The following UBXN10 variants were observed in gnomAD, a reference collection of about 807,000 sequenced individuals.
UBXN10 encodes the protein UBX domain protein 10.
A neutral mutation model predicts 6.9 loss-of-function variants in UBXN10; 6 were observed. The ratio of observed to expected loss-of-function variants is 0.87; its 90% confidence interval spans 0.48 to 1.72. UBXN10 has a LOEUF of 1.72. Among genes scored for constraint, UBXN10 ranks in the 40% most tolerant of loss-of-function variants. The pLI, the probability that UBXN10 is intolerant of heterozygous loss-of-function variation, is 0.01. For missense variants in UBXN10, 317 were observed against 348.4 expected (o/e 0.91, Z 0.72); for synonymous variants, 131 against 135.2 (o/e 0.97, Z 0.21).
chr1:20,185,340 T>G (rs142746331), upstream of UBXN10, among the ~76,000 whole-genome samples: 1 of 151,428 alleles, frequency 6.6e-6, no homozygotes, highest in Non-Finnish European at 1.5e-5. Flanking sequence ...GGAAGGAGAG[T>G]AGGACTCGGG....
In UBXN10 at chr1:20,188,289, C is replaced by T. The variant is rs184955107; in HGVS notation, c.-16+2136C>T. 1.9e-3 allele frequency among the ~76,000 whole-genome samples: 289 copies of T among 152,094 alleles called. 3 individuals carry two copies. The highest frequency in any genetic ancestry group is 6.6e-3 in the African/African-American group (275 of 41,442). On this transcript the variant is annotated intron_variant, in intron 1 of 1. Transcript: ENST00000375099. ...TAGCAGCCAGACTGGGTGTGAAAGA[C>T]GAGGGAGAAGTGGAAAATGGGAGTG...
At chr1:20,189,590 G>A (rs535248854) in intron 1 of UBXN10, among the ~76,000 whole-genome samples, 3 of 152,256 alleles carry the variant, frequency 2.0e-5, no homozygotes, top group African/African-American at 7.2e-5. Flanking sequence ...TGCCTATCGG[G>A]TAGCTGGGAA....
rs1048811422 is a variant in UBXN10 at position 20,193,468 on chromosome 1, T to C, written c.*2064T>C. 3 of 167,098 alleles carry C rather than the reference T, an allele frequency of 1.8e-5. No homozygotes were observed. Among genetic ancestry groups the C allele is most frequent in the Non-Finnish European group, 2.9e-5 (2 of 68,122 alleles). 10.4% of individuals were successfully genotyped at this position (167,098 alleles called of 1,614,324 possible). On this transcript the variant is annotated 3_prime_UTR_variant, in exon 2 of 2. Coordinates refer to ENST00000375099, the MANE Select transcript of UBXN10 (RefSeq NM_152376.5). ...CAAACCATCATAATAAACATTTTTT[T>C]TTTGGACAAAAGATGATACGATAAA...
chr1:20,190,957 C>A lies in UBXN10; in HGVS notation c.396C>A (p.Thr132=), dbSNP rs752305088. The change falls in exon 2 of 2, where the codon ACC becomes ACA. Residue 132 remains threonine, a synonymous_variant. Transcript: ENST00000375099. ...RKNLEEEAVE[T]VAKKASSLQL... is the part of the protein sequence containing the mutation. ...ACCTGGAGGAGGAGGCTGTGGAAAC[C>A]GTTGCCAAAAAGGCCAGCTCACTGC... is the stretch of plus-strand genomic sequence containing the variant. The A allele has an allele frequency of 5.0e-6, 8 of 1,614,002 alleles. No homozygotes were observed. The East Asian group carries it at 1.8e-4, about 36-fold the overall frequency.
At chr1:20,189,888 G>A (rs985408529) in intron 1 of UBXN10, among the ~76,000 whole-genome samples, 3 of 152,206 alleles carry the variant, frequency 2.0e-5, no homozygotes, top group African/African-American at 7.2e-5. Context: ...TCTGCCACCA[G>A]CTGGCTGTGT....
Position 20,190,810 on chromosome 1 carries a change from T to G in UBXN10, c.249T>G (p.Cys83Trp). Residue 83 changes from cysteine (C) to tryptophan (W), a missense_variant, in exon 2 of 2, where the codon TGT becomes TGG. Physicochemically the swap from Cys to Trp is radical, Grantham distance 215. Coordinates refer to ENST00000375099, the MANE Select transcript of UBXN10 (RefSeq NM_152376.5). The part of the protein sequence containing the change: ...ELPSSQKPGA[C>W]APKSPNQGAS... ...CAAGCAGCCAAAAACCAGGAGCCTG[T>G]GCACCCAAATCTCCAAACCAGGGAG... The G allele has an allele frequency of 6.2e-7, 1 of 1,613,978 alleles. No individual in the cohort carries two copies. The highest frequency in any genetic ancestry group is 8.5e-7 in the Non-Finnish European group (1 of 1,180,020).
upstream of UBXN10, among the ~76,000 whole-genome samples, chr1:20,185,641 C>T (rs1284710531): frequency 2.6e-5 from 4 of 152,118 alleles, no homozygotes; most frequent in Admixed American, 6.5e-5. Flanking sequence ...GGATGGGGGC[C>T]CTGCTCCCCG....
rs2018414382 is a variant in UBXN10 at position 20,187,190 on chromosome 1, G to A, written c.-16+1037G>A. ...TAAGGAATGGGCACCTGCCCTTCTG[G>A]CAACTTCTTGGAAACAGTTGGCAGT... On this transcript the variant is annotated intron_variant, in intron 1 of 1. Coordinates refer to ENST00000375099, the MANE Select transcript of UBXN10 (RefSeq NM_152376.5). The surrounding 1 kb of genome is among the most constrained non-coding windows in gnomAD (Gnocchi z 4.6). Among the ~76,000 whole-genome samples, 1 of 152,178 alleles carries A rather than the reference G, an allele frequency of 6.6e-6. No homozygotes were observed. The highest frequency in any genetic ancestry group is 2.4e-5 in the African/African-American group (1 of 41,440).
In UBXN10 at chr1:20,191,764, C is replaced by T. The variant is rs145055912; in HGVS notation, c.*360C>T. The T allele has an allele frequency of 4.2e-4, 97 of 229,772 alleles. No homozygotes were observed. Among genetic ancestry groups the T allele is most frequent in the Admixed American group, 1.9e-3 (37 of 19,470 alleles). 14.2% of individuals were successfully genotyped at this position (229,772 alleles called of 1,614,324 possible). On this transcript the variant is annotated 3_prime_UTR_variant, in exon 2 of 2. Coordinates refer to ENST00000375099, the MANE Select transcript of UBXN10 (RefSeq NM_152376.5). This position sits in a 1 kb window ranked among gnomAD's most constrained non-coding sequence, Gnocchi z 4.5. Reference sequence around the variant, plus strand: ...CCTTTACAGTGAACTGTGATTCTCTCGAAGCCAATGCTTTCCTGTCTGTAT... The same window carrying T: ...CCTTTACAGTGAACTGTGATTCTCTTGAAGCCAATGCTTTCCTGTCTGTAT...
rs1199396550 is a variant in UBXN10 at position 20,193,650 on chromosome 1, C to T, written c.*2246C>T. On this transcript the variant is annotated 3_prime_UTR_variant, in exon 2 of 2. Transcript: ENST00000375099. ...TGTTCCACTGTTAGAACCAAGTCCT[C>T]CTCCCCGGACACTTCTGATGCCCAC... The T allele has an allele frequency of 6.0e-6, 1 of 167,064 alleles. No individual in the cohort carries two copies. Among genetic ancestry groups the T allele is most frequent in the Non-Finnish European group, 1.5e-5 (1 of 68,130 alleles). The allele number at this position is 167,064 out of a possible 1,614,324, so 10.3% of individuals were successfully genotyped here. A position where few individuals can be genotyped will look rare whatever the true frequency, so the allele number is the denominator to read the frequency against.
rs981406486 is a variant in UBXN10 at position 20,191,548 on chromosome 1, C to T, written c.*144C>T. 7 of 1,299,546 alleles carry T rather than the reference C, an allele frequency of 5.4e-6. No individual in the cohort carries two copies. The highest frequency in any genetic ancestry group is 1.5e-5 in the South Asian group (1 of 65,870). The allele number at this position is 1,299,546 out of a possible 1,614,324, so 80.5% of individuals were successfully genotyped here. A position where few individuals can be genotyped will look rare whatever the true frequency, so the allele number is the denominator to read the frequency against. ...GGGACTCTCGTCTGCACTGCGTGTC[C>T]TCTGAAGCAGTGAAGTCTGTGCCTA... On this transcript the variant is annotated 3_prime_UTR_variant, in exon 2 of 2. Coordinates refer to ENST00000375099, the MANE Select transcript of UBXN10 (RefSeq NM_152376.5). The surrounding 1 kb of genome is among the most constrained non-coding windows in gnomAD (Gnocchi z 4.5).
rs1460409295 is a variant in UBXN10, at chr1:20,195,001, C to T, written c.*3597C>T. The T allele has an allele frequency of 6.0e-6, 1 of 167,086 alleles. No individual in the cohort carries two copies. The highest frequency in any genetic ancestry group is 2.4e-5 in the African/African-American group (1 of 41,454). The allele number at this position is 167,086 out of a possible 1,614,324, so 10.4% of individuals were successfully genotyped here. On this transcript the variant is annotated 3_prime_UTR_variant, in exon 2 of 2. Transcript: ENST00000375099. ...CCATATAACAGGGAAGGCCTGAGGT[C>T]GCTTCGGAGGAGTTAGCAATCAAAG...
chr1:20,192,108 G>C lies in UBXN10; in HGVS notation c.*704G>C, dbSNP rs1366122481. On this transcript the variant is annotated 3_prime_UTR_variant, in exon 2 of 2. Coordinates refer to ENST00000375099, the MANE Select transcript of UBXN10 (RefSeq NM_152376.5). ...GCTACTTTTTAATAGAGACTGACTA[G>C]GTTTACAACTTCTGGGAGCTACTCT... is the stretch of plus-strand genomic sequence containing the variant. The C allele has an allele frequency of 6.0e-6, 1 of 167,056 alleles. No homozygotes were observed. The highest frequency in any genetic ancestry group is 1.5e-5 in the Non-Finnish European group (1 of 68,122). 10.3% of individuals were successfully genotyped at this position (167,056 alleles called of 1,614,324 possible). A position where few individuals can be genotyped will look rare whatever the true frequency, so the allele number is the denominator to read the frequency against.
rs141452583 is a variant in UBXN10, at chr1:20,191,217, A to T, written c.656A>T (p.Asp219Val). The change falls in exon 2 of 2, where the codon GAT becomes GTT. Residue 219 changes from aspartate (D) to valine (V), a missense_variant. Asp to Val is a radical substitution (Grantham distance 152). Transcript: ENST00000375099. This position sits in a 1 kb window ranked among gnomAD's most constrained non-coding sequence, Gnocchi z 4.5. ...QRFVRHFRPT[D>V]DLQTIVAVAE... is the part of the protein sequence containing the mutation. The stretch of plus-strand genomic sequence containing the variant: ...TTTGTACGCCATTTCCGGCCAACAG[A>T]TGATTTGCAAACCATTGTTGCTGTG... 4 of 1,614,210 alleles carry T rather than the reference A, an allele frequency of 2.5e-6. No homozygotes were observed. The highest frequency in any genetic ancestry group is 3.4e-6 in the Non-Finnish European group (4 of 1,180,044).
In UBXN10 at chr1:20,187,195, T is replaced by C. The variant is rs555697075; in HGVS notation, c.-16+1042T>C. On this transcript the variant is annotated intron_variant, in intron 1 of 1. Coordinates refer to ENST00000375099, the MANE Select transcript of UBXN10 (RefSeq NM_152376.5). This position sits in a 1 kb window ranked among gnomAD's most constrained non-coding sequence, Gnocchi z 4.6. ...AATGGGCACCTGCCCTTCTGGCAACTTCTTGGAAACAGTTGGCAGTGTTTG... is the reference window on the plus strand; with the variant it reads ...AATGGGCACCTGCCCTTCTGGCAACCTCTTGGAAACAGTTGGCAGTGTTTG... Among the ~76,000 whole-genome samples the C allele has an allele frequency of 3.9e-5, 6 of 152,336 alleles. No homozygotes were observed. The South Asian group carries it at 1.0e-3, about 26-fold the overall frequency.
rs1164025223 is a variant in UBXN10, at chr1:20,190,531, T to C, written c.-15-16T>C. Reference sequence around the variant, plus strand: ...AGTTTAACCCACGGACTCCTGTTTTTTTCCTGCTTCCTTAGGGGTCTTGAG... The same window carrying C: ...AGTTTAACCCACGGACTCCTGTTTTCTTCCTGCTTCCTTAGGGGTCTTGAG... On this transcript the variant is annotated splice_polypyrimidine_tract_variant and intron_variant, in intron 1 of 1. Coordinates refer to ENST00000375099, the MANE Select transcript of UBXN10 (RefSeq NM_152376.5). 2 of 1,585,184 alleles carry C rather than the reference T, an allele frequency of 1.3e-6. No homozygotes were observed. The highest frequency in any genetic ancestry group is 8.6e-7 in the Non-Finnish European group (1 of 1,162,926).
At position 20,195,637 on chromosome 1, in the gene UBXN10, A is replaced by C. The variant is rs1557796628; in HGVS notation, c.*4233A>C. On this transcript the variant is annotated 3_prime_UTR_variant, in exon 2 of 2. Coordinates refer to ENST00000375099, the MANE Select transcript of UBXN10 (RefSeq NM_152376.5). The stretch of plus-strand genomic sequence containing the variant: ...CAAACAAGCAAACAACCACCACGGC[A>C]GCAAAGCACATGGCAGGCAGGGGAA... 6.0e-6 allele frequency: 1 copy of C among 167,190 alleles called. No individual in the cohort carries two copies. The allele number at this position is 167,190 out of a possible 1,614,324, so 10.4% of individuals were successfully genotyped here. A position where few individuals can be genotyped will look rare whatever the true frequency, so the allele number is the denominator to read the frequency against.
At chr1:20,184,628 G>C (rs996631862), upstream of UBXN10, 1 of 152,256 alleles carries the variant, frequency 6.6e-6, no homozygotes, top group African/African-American at 2.4e-5. Context: ...AATTCACCTT[G>C]GAGAGAATCA....
chr1:20,190,427 GC>G (rs1039087707), intron 1 of UBXN10, 119 bp from the exon 2 acceptor site: 4 of 1,278,238 alleles, frequency 3.1e-6, no homozygotes, highest in African/African-American at 1.5e-5. Context: ...TGCAGCTGGT[GC>G]CCCTTACTAG....
Sources: gnomAD v4.1 joint callset for allele counts (sites outside exome capture counted in the v4.1 genomes callset) on GRCh38, gnomAD v4.1.1 for gene constraint, Gnocchi (gnomAD v3.1) non-coding constraint, MANE v1.5 for transcripts, NCBI Gene and HGNC (gene_info 2026-07-23, HGNC 2026-07-21) for gene names.